The following DAB1 variants were observed in gnomAD, a reference collection of about 807,000 sequenced individuals.
The protein encoded by DAB1 is DAB adaptor protein 1.
In DAB1, 15 loss-of-function variants were observed where a neutral mutation model predicts 64.6. The ratio of observed to expected loss-of-function variants is 0.23; its 90% CI spans 0.16 to 0.36. The LOEUF is 0.36. Ranked by LOEUF, DAB1 falls within the 10% of genes least tolerant of loss-of-function variation. The probability of loss-of-function intolerance (pLI) is 1.00; values close to 1 mark genes in which losing one functional copy is unlikely to be tolerated. For missense variants in DAB1, 596 were observed against 706.7 expected (o/e 0.84, Z 1.78); for synonymous variants, 235 against 251.9 (o/e 0.93, Z 0.64).
At chr1:58,164,189 T>TAAAA (rs71691727) in intron 4 of DAB1, among the ~76,000 whole-genome samples, 12 of 115,450 alleles carry the variant, frequency 1.0e-4, no homozygotes, top group East Asian at 2.5e-4. Context: ...GAGCTCAGCT[T>TAAAA]AAAAAAAAAA....
chr1:57,085,161 A>C (rs1489370360), intron 4 of DAB1, among the ~76,000 whole-genome samples: 1 of 152,170 alleles, frequency 6.6e-6, no homozygotes, highest in Admixed American at 6.5e-5. Context: ...GGGATTAAGC[A>C]ACTTGTCTAA....
intron 1 of DAB1, among the ~76,000 whole-genome samples, chr1:57,415,252 C>CAA (rs1203916622): frequency 7.0e-6 from 1 of 142,406 alleles, no homozygotes; most frequent in Non-Finnish European, 1.6e-5. Context: ...ACACAACACA[C>CAA]ACACACACAC....
intron 1 of DAB1, among the ~76,000 whole-genome samples, chr1:57,337,756 C>T (rs1489507895): frequency 6.6e-6 from 1 of 152,186 alleles, no homozygotes; most frequent in Non-Finnish European, 1.5e-5. Flanking sequence ...CATCCTCCCA[C>T]TGCTGGGGCT....
intron 4 of DAB1, among the ~76,000 whole-genome samples, chr1:58,284,181 C>G (rs1421200481): frequency 3.9e-5 from 6 of 152,188 alleles, no homozygotes; most frequent in Non-Finnish European, 7.3e-5. Context: ...CCTTCTCCAT[C>G]CATATGGGAA....
At chr1:57,842,655 G>T (rs1200448692) in intron 1 of DAB1, among the ~76,000 whole-genome samples, 1 of 152,172 alleles carries the variant, frequency 6.6e-6, no homozygotes, top group Non-Finnish European at 1.5e-5. Flanking sequence ...AAGAGGGCAA[G>T]CAAGGGGGGG....
Position 58,357,893 on chromosome 1 carries a change from T to G in DAB1, n.258-14490A>C, listed in dbSNP as rs1257015996. 2.0e-5 allele frequency among the ~76,000 whole-genome samples: 3 copies of G among 152,172 alleles called. No individual in the cohort carries two copies. In the East Asian group the frequency reaches 5.8e-4, roughly 29 times the overall value. On this transcript the variant is annotated intron_variant and non_coding_transcript_variant, in intron 3 of 20. Coordinates refer to the DAB1 transcript ENST00000485760. ...CTCCCTCAATTCTTTCCATCCTCCC[T>G]GCCTTCCTCCACCCGTAAACATTTA...
chr1:58,402,647 A>G (rs1557750217), intron 3 of DAB1, among the ~76,000 whole-genome samples: 2 of 145,622 alleles, frequency 1.4e-5, no homozygotes, highest in African/African-American at 5.1e-5. Context: ...GGAAAGGAGG[A>G]GGGGGGGAGA....
At chr1:58,187,874 T>C (rs1019290455) in intron 4 of DAB1, among the ~76,000 whole-genome samples, 1 of 135,720 alleles carries the variant, frequency 7.4e-6, no homozygotes, top group Non-Finnish European at 1.6e-5. Flanking sequence ...CCACCTGGCC[T>C]GTTTTTTTTT....
At chr1:57,737,435 T>C (rs1252046787) in intron 6 of DAB1, among the ~76,000 whole-genome samples, 2 of 152,234 alleles carry the variant, frequency 1.3e-5, no homozygotes, top group Non-Finnish European at 2.9e-5. Context: ...TTGAAGCACT[T>C]ACCCTTTGCA....
At chr1:57,614,668 T>C (rs535935887) in intron 7 of DAB1, among the ~76,000 whole-genome samples, 7 of 152,132 alleles carry the variant, frequency 4.6e-5, no homozygotes, top group Non-Finnish European at 1.0e-4. Context: ...CATCCTTGCT[T>C]GGAAAAATTA....
intron 5 of DAB1, among the ~76,000 whole-genome samples, chr1:58,077,487 C>T (rs942495059): frequency 2.0e-5 from 3 of 151,976 alleles, no homozygotes; most frequent in Non-Finnish European, 4.4e-5. Flanking sequence ...AAGGTGGAGA[C>T]AACAATGGAT....
At chr1:57,249,763 T>C (rs1669182889) in intron 2 of DAB1, among the ~76,000 whole-genome samples, 1 of 152,234 alleles carries the variant, frequency 6.6e-6, no homozygotes, top group East Asian at 1.9e-4. Context: ...TCTAGTGCTC[T>C]TTCCACTCAC....
chr1:58,132,200 G>A lies in DAB1; in HGVS notation n.387+18311C>T, dbSNP rs1478468616. Among the ~76,000 whole-genome samples the A allele has an allele frequency of 4.6e-5, 7 of 152,254 alleles. No homozygotes were observed. In the South Asian group the frequency reaches 8.3e-4, roughly 18 times the overall value. ...AGCCCGTCGGAAAAGCGCAGTATTC[G>A]GGTGGGAGTGACCCGATTTTCCAGG... On this transcript the variant is annotated intron_variant and non_coding_transcript_variant, in intron 5 of 20. Coordinates refer to the DAB1 transcript ENST00000485760.
intron 5 of DAB1, among the ~76,000 whole-genome samples, chr1:57,931,756 G>T (rs956435500): frequency 6.6e-6 from 1 of 152,096 alleles, no homozygotes; most frequent in Admixed American, 6.6e-5. Flanking sequence ...CAGTTAGCCT[G>T]GTTACAGGCT....
intron 6 of DAB1, among the ~76,000 whole-genome samples, chr1:57,746,289 C>T (rs1648264544): frequency 6.6e-6 from 1 of 152,094 alleles, no homozygotes; most frequent in East Asian, 1.9e-4. Flanking sequence ...CCAAATTGCT[C>T]TTTAAGGGTA....
chr1:57,981,673 T>C (rs947006879), intron 5 of DAB1, among the ~76,000 whole-genome samples: 2 of 152,210 alleles, frequency 1.3e-5, no homozygotes, highest in South Asian at 2.1e-4. Context: ...AATAGTATCA[T>C]GGATATCCTG....
chr1:58,338,463 C>A (rs1000432080), intron 4 of DAB1, among the ~76,000 whole-genome samples: 1 of 152,150 alleles, frequency 6.6e-6, no homozygotes, highest in Admixed American at 6.5e-5. Context: ...ATTATTGAAT[C>A]TTTAAAGGTT....
At chr1:58,266,109 A>C (rs562407089) in intron 4 of DAB1, among the ~76,000 whole-genome samples, 7 of 151,898 alleles carry the variant, frequency 4.6e-5, no homozygotes, top group Admixed American at 1.3e-4. Flanking sequence ...GTGCATATCA[A>C]ATGTGAGCTT....
rs1444798816 is a variant in DAB1 at position 57,702,120 on chromosome 1, G to C, written n.552-52455C>G. Among the ~76,000 whole-genome samples, 3 of 152,130 alleles carry C rather than the reference G, an allele frequency of 2.0e-5. No homozygotes were observed. The East Asian group carries it at 5.8e-4, about 29-fold the overall frequency. On this transcript the variant is annotated intron_variant and non_coding_transcript_variant, in intron 6 of 20. Transcript: ENST00000485760. ...TTAGTTATTTATTCCAGTCTTTGCT[G>C]TCTGGCTTGTTATATTTTTTTCTTG... is the stretch of plus-strand genomic sequence containing the variant.
Sources: allele counts gnomAD v4.1 joint callset (sites outside exome capture counted in the v4.1 genomes callset), GRCh38; gene constraint gnomAD v4.1.1; transcripts MANE v1.5; gene names NCBI Gene and HGNC (gene_info 2026-07-23, HGNC 2026-07-21).